The following FSTL5 variants were observed in gnomAD, a reference collection of about 807,000 sequenced individuals.
The protein encoded by FSTL5 is follistatin like 5, also known as follistatin-related protein 5.
In FSTL5, 62 loss-of-function variants were observed where a neutral mutation model predicts 89.1. The ratio of observed to expected loss-of-function variants is 0.70; its 90% CI spans 0.57 to 0.86. The LOEUF is 0.86. Among genes scored for constraint, FSTL5 ranks in the 40% least tolerant of loss-of-function variants. FSTL5 has a pLI of 0.00. For synonymous variants in FSTL5, 383 were observed against 346.2 expected, an observed-to-expected ratio of 1.11 and a Z score of -1.18; for missense variants, 1,057 against 1,001.6, an observed-to-expected ratio of 1.06 and a Z score of -0.75.
intron 13 of FSTL5, among the ~76,000 whole-genome samples, chr4:161,460,626 CACTA>C (rs1733529567): frequency 6.6e-6 from 1 of 152,164 alleles, no homozygotes; most frequent in African/African-American, 2.4e-5. Context: ...TAACAAGTCT[CACTA>C]AGGCATCTCT....
chr4:161,705,765 T>G (rs1738543345), intron 6 of FSTL5, among the ~76,000 whole-genome samples: 1 of 150,932 alleles, frequency 6.6e-6, no homozygotes, highest in African/African-American at 2.4e-5. Flanking sequence ...AGAAAATACT[T>G]CATCATTATA....
chr4:161,700,994 A>G (rs1050271321), intron 6 of FSTL5, among the ~76,000 whole-genome samples: 1 of 152,200 alleles, frequency 6.6e-6, no homozygotes, highest in Admixed American at 6.5e-5. Flanking sequence ...TAAACTAATG[A>G]GTCTAAACTA....
At position 161,385,362 on chromosome 4, in the gene FSTL5, G is replaced by A. The variant is rs3210498; in HGVS notation, c.*385C>T. The A allele has an allele frequency of 5.9e-6, 1 of 168,298 alleles. No individual in the cohort carries two copies. 10.4% of individuals were successfully genotyped at this position (168,298 alleles called of 1,614,324 possible). A position where few individuals can be genotyped will look rare whatever the true frequency, so the allele number is the denominator to read the frequency against. On this transcript the variant is annotated 3_prime_UTR_variant, in exon 16 of 16. Coordinates refer to ENST00000306100, the MANE Select transcript of FSTL5 (RefSeq NM_020116.5). ...GTTTCCACAACACCTTTTATTTCTT[G>A]TTTAATCATACCAAAAGGACAGAGA...
chr4:161,710,486 G>T (rs998331550), intron 6 of FSTL5, among the ~76,000 whole-genome samples: 1 of 152,198 alleles, frequency 6.6e-6, no homozygotes, highest in African/African-American at 2.4e-5. Context: ...TCTAAACCAT[G>T]GTGTTTAATC....
chr4:161,595,644 T>G (rs540211478), intron 7 of FSTL5, among the ~76,000 whole-genome samples: 166 of 152,134 alleles, frequency 1.1e-3, no homozygotes, highest in Non-Finnish European at 1.6e-3. Context: ...AACAAAACAT[T>G]TAATAACCTA....
chr4:161,473,630 C>G (rs1734025597), intron 13 of FSTL5, among the ~76,000 whole-genome samples: 1 of 152,162 alleles, frequency 6.6e-6, no homozygotes, highest in East Asian at 1.9e-4. Context: ...CACCATCTCA[C>G]TATGTTGTCC....
At chr4:161,540,620 A>G (rs987318729) in intron 9 of FSTL5, among the ~76,000 whole-genome samples, 1 of 152,070 alleles carries the variant, frequency 6.6e-6, no homozygotes, top group African/African-American at 2.4e-5. Flanking sequence ...CCCTACTGAT[A>G]CTTTCTCAGA....
At chr4:161,513,675 A>G (rs1730726476) in intron 10 of FSTL5, among the ~76,000 whole-genome samples, 1 of 152,156 alleles carries the variant, frequency 6.6e-6, no homozygotes, top group African/African-American at 2.4e-5. Context: ...GAACAGGATC[A>G]TGTCCTTTGC....
chr4:162,047,268 A>C (rs188033156), intron 2 of FSTL5: 1 of 152,270 alleles, frequency 6.6e-6, no homozygotes, highest in Non-Finnish European at 1.5e-5. Context: ...GACTAGTTTT[A>C]TTAGTTGGGA....
At chr4:161,575,517 C>T (rs1392807769) in intron 8 of FSTL5, among the ~76,000 whole-genome samples, 1 of 151,758 alleles carries the variant, frequency 6.6e-6, no homozygotes, top group Non-Finnish European at 1.5e-5. Flanking sequence ...TGCAGTGGTG[C>T]ATCTTGGTTC....
chr4:161,954,710 T>A (rs958730332), intron 3 of FSTL5, among the ~76,000 whole-genome samples: 2 of 151,662 alleles, frequency 1.3e-5, no homozygotes, highest in Non-Finnish European at 3.0e-5. Flanking sequence ...TTTATCACAT[T>A]TTTATTCACC....
At chr4:162,142,353 G>A (rs1435088177) in intron 1 of FSTL5, among the ~76,000 whole-genome samples, 3 of 152,012 alleles carry the variant, frequency 2.0e-5, no homozygotes, top group African/African-American at 2.4e-5. Flanking sequence ...TTGACCCCAA[G>A]GTATTTAATA....
chr4:161,556,676 A>G (rs1732403193), intron 8 of FSTL5, among the ~76,000 whole-genome samples: 1 of 151,418 alleles, frequency 6.6e-6, no homozygotes, highest in Non-Finnish European at 1.5e-5. Context: ...AGATGATAAA[A>G]ATTACTAATA....
At chr4:161,918,808 T>C (rs1046100523) in intron 4 of FSTL5, among the ~76,000 whole-genome samples, 3 of 152,012 alleles carry the variant, frequency 2.0e-5, no homozygotes, top group Non-Finnish European at 4.4e-5. Flanking sequence ...CATGCCCAGC[T>C]AATTTTTGTA....
intron 7 of FSTL5, among the ~76,000 whole-genome samples, chr4:161,654,664 G>C (rs115836905): frequency 1.3e-5 from 2 of 152,208 alleles, no homozygotes; most frequent in African/African-American, 4.8e-5. Context: ...GTAACCAATA[G>C]GAGTTTGGGC....
At chr4:161,556,010 A>G (rs1029584097) in intron 8 of FSTL5, among the ~76,000 whole-genome samples, 4 of 151,634 alleles carry the variant, frequency 2.6e-5, no homozygotes, top group African/African-American at 9.7e-5. Context: ...GACTAGAGGG[A>G]GGAAGTGGAA....
intron 6 of FSTL5, among the ~76,000 whole-genome samples, chr4:161,747,911 T>C (rs1740258312): frequency 6.6e-6 from 1 of 152,192 alleles, no homozygotes; most frequent in Admixed American, 6.5e-5. Context: ...TTAACATAAA[T>C]TTACTTTTTA....
chr4:161,793,407 G>C (rs912499978), intron 4 of FSTL5, among the ~76,000 whole-genome samples: 10 of 152,110 alleles, frequency 6.6e-5, no homozygotes, highest in Admixed American at 1.3e-4. Context: ...TCATATAAAT[G>C]CATTTCAAAT....
intron 3 of FSTL5, among the ~76,000 whole-genome samples, chr4:161,960,178 T>A (rs1024692396): frequency 1.0e-3 from 150 of 149,618 alleles, no homozygotes; most frequent in African/African-American, 3.6e-3. Context: ...TTTTTTTTTT[T>A]TTTTTGAGAT....
Sources: allele counts gnomAD v4.1 joint callset (sites outside exome capture counted in the v4.1 genomes callset), GRCh38; gene constraint gnomAD v4.1.1; transcripts MANE v1.5; gene names NCBI Gene and HGNC (gene_info 2026-07-23, HGNC 2026-07-21).